The following SEL1L variants were observed in gnomAD, a reference collection of about 807,000 sequenced individuals.
SEL1L encodes protein sel-1 homolog 1.
SEL1L carries 52 observed loss-of-function variants against 109.8 expected under a neutral mutation model. The ratio of observed to expected loss-of-function variants is 0.47; its 90% CI spans 0.38 to 0.60. The LOEUF (loss-of-function observed/expected upper bound fraction) is 0.60. Ranked by LOEUF, SEL1L falls within the 20% of genes least tolerant of loss-of-function variation. The pLI, the probability that SEL1L is intolerant of heterozygous loss-of-function variation, is 0.00. For missense variants in SEL1L, 749 were observed against 962.2 expected, an observed-to-expected ratio of 0.78 and a Z score of 2.93; for synonymous variants, 373 against 339.6, an observed-to-expected ratio of 1.10 and a Z score of -1.08.
chr14:81,509,815 G>C (rs1009763470), intron 3 of SEL1L, among the ~76,000 whole-genome samples: 2 of 152,152 alleles, frequency 1.3e-5, no homozygotes, highest in East Asian at 3.9e-4. Flanking sequence ...TCCACTTCCA[G>C]GATGTTTACT....
At chr14:81,510,173 G>A (rs147835293) in intron 3 of SEL1L, among the ~76,000 whole-genome samples, 171 of 152,302 alleles carry the variant, frequency 1.1e-3, no homozygotes, top group African/African-American at 3.9e-3. Flanking sequence ...ATCAGGAACC[G>A]ACCAGGTATT....
rs201272557 is a variant in SEL1L, at chr14:81,506,137, C to G, written c.445G>C (p.Gly149Arg). The change falls in exon 4 of 21, where the codon GGC becomes CGC. Residue 149 changes from glycine to arginine, a missense_variant. Gly to Arg is a moderately radical substitution (Grantham distance 125). Transcript: ENST00000336735. The stretch of plus-strand genomic sequence containing the variant: ...TAGGTTGTAGCACACCACAGTCTGC[C>G]ATCTTCCCTCCCATCTGATGTACAT... ...DECTSDGRED[G>R]RLWCATTYDY... The G allele has an allele frequency of 6.2e-7, 1 of 1,614,058 alleles. No homozygotes were observed. Among genetic ancestry groups the G allele is most frequent in the African/African-American group, 1.3e-5 (1 of 75,036 alleles).
At chr14:81,522,773 A>G (rs573547885) in intron 3 of SEL1L, among the ~76,000 whole-genome samples, 1 of 152,334 alleles carries the variant, frequency 6.6e-6, no homozygotes, top group East Asian at 1.9e-4. Flanking sequence ...TAGTACTTGC[A>G]TATAACCTAC....
At chr14:81,482,907 A>C (rs1903405694) in intron 19 of SEL1L, among the ~76,000 whole-genome samples, 1 of 152,196 alleles carries the variant, frequency 6.6e-6, no homozygotes, top group East Asian at 1.9e-4. Context: ...CCTATTTCAT[A>C]AGTCTTGGTA....
chr14:81,522,447 T>C (rs1039774213), intron 3 of SEL1L, among the ~76,000 whole-genome samples: 1 of 152,208 alleles, frequency 6.6e-6, no homozygotes, highest in Non-Finnish European at 1.5e-5. Flanking sequence ...TTTAGATAGG[T>C]TTAGATATAC....
At chr14:81,487,748 A>G in intron 15 of SEL1L, 107 bp downstream of exon 15, 1 of 1,539,826 alleles carries the variant, frequency 6.5e-7, no homozygotes, top group Non-Finnish European at 8.7e-7. Flanking sequence ...AGAACATTTA[A>G]CCAGCCAGAA....
chr14:81,478,511 T>C (rs1212586702), intron 20 of SEL1L, among the ~76,000 whole-genome samples: 1 of 152,090 alleles, frequency 6.6e-6, no homozygotes, highest in East Asian at 1.9e-4. Flanking sequence ...TAATAAAAAT[T>C]GTGAGAGATA....
At chr14:81,479,444 T>G in intron 20 of SEL1L, 168 bp downstream of exon 20, 1 of 490,108 alleles carries the variant, frequency 2.0e-6, no homozygotes, top group Non-Finnish European at 3.4e-6. Flanking sequence ...ATGCCTGCAT[T>G]TATCCCTCCC....
chr14:81,533,282 G>A (rs1885405881), intron 1 of SEL1L, among the ~76,000 whole-genome samples: 1 of 152,136 alleles, frequency 6.6e-6, no homozygotes, highest in Admixed American at 6.5e-5. Context: ...ACAGCTCCAG[G>A]TTTGTCAATT....
At chr14:81,480,587 C>T (rs186747697) in intron 19 of SEL1L, among the ~76,000 whole-genome samples, 1 of 152,042 alleles carries the variant, frequency 6.6e-6, no homozygotes, top group Admixed American at 6.6e-5. Flanking sequence ...GGTGTGGTGG[C>T]GCCTGCCTGT....
intron 7 of SEL1L, 35 bp from the exon 8 acceptor site, chr14:81,499,553 G>T (rs1883914886): frequency 6.2e-7 from 1 of 1,607,376 alleles, no homozygotes; most frequent in South Asian, 1.1e-5. Context: ...ACTGAACATA[G>T]GCACGCATTT....
chr14:81,492,489 A>G lies in SEL1L; in HGVS notation c.1245T>C (p.Phe415=). 1 of 1,612,272 alleles carries G rather than the reference A, an allele frequency of 6.2e-7. No homozygotes were observed. Among genetic ancestry groups the G allele is most frequent in the Non-Finnish European group, 8.5e-7 (1 of 1,178,722 alleles). Residue 415 remains phenylalanine (F), a synonymous_variant, in exon 12 of 21, where the codon TTT becomes TTC. Transcript: ENST00000336735. The part of the protein sequence containing the change: ...ANAGNSHAMA[F]LGKMYSEGSD... ...ACAGGATGTACAGTACCTTTCCCAA[A>G]AAGGCCATGGCATGTGAATTGCCAG...
Position 81,472,522 on chromosome 14 carries a change from A to G in SEL1L, c.*4450T>C. 2.4e-6 allele frequency: 1 copy of G among 408,388 alleles called. No individual in the cohort carries two copies. The highest frequency in any genetic ancestry group is 7.6e-5 in the East Asian group (1 of 13,224). The allele number at this position is 408,388 out of a possible 1,614,324, so 25.3% of individuals were successfully genotyped here. On this transcript the variant is annotated 3_prime_UTR_variant, in exon 21 of 21. Coordinates refer to ENST00000336735, the MANE Select transcript of SEL1L (RefSeq NM_005065.6). ...TTTTCATTTCTCCTTTACTCAGAGC[A>G]TATTTAGTCTAAATGTTACTGTGTG... is the stretch of plus-strand genomic sequence containing the variant.
chr14:81,533,665 G>T lies in SEL1L; in HGVS notation c.70+10C>A, dbSNP rs1468326013. On this transcript the variant is annotated intron_variant, in intron 1 of 20. Transcript: ENST00000336735. ...CTCTGGGCCTTCAGCCCGAGGGGGC[G>T]GATACTGACCCGAGGACGCCGAGGC... is the stretch of plus-strand genomic sequence containing the variant. 2 of 1,611,950 alleles carry T rather than the reference G, an allele frequency of 1.2e-6. No individual in the cohort carries two copies. The highest frequency in any genetic ancestry group is 1.7e-4 in the Middle Eastern group (1 of 6,040).
chr14:81,495,388 C>T (rs1883702628), intron 10 of SEL1L, among the ~76,000 whole-genome samples: 2 of 152,304 alleles, frequency 1.3e-5, no homozygotes, highest in Non-Finnish European at 1.5e-5. Context: ...CCTGTAACCT[C>T]AACACTTTGG....
At chr14:81,498,293 G>C (rs1404062597) in intron 9 of SEL1L, 120 bp downstream of exon 9, 2 of 866,356 alleles carry the variant, frequency 2.3e-6, no homozygotes, top group East Asian at 5.3e-5. Flanking sequence ...CTAGTTTAAA[G>C]ATGAGTCCAC....
intron 16 of SEL1L, among the ~76,000 whole-genome samples, chr14:81,486,685 A>G (rs1280969433): frequency 6.6e-6 from 1 of 152,048 alleles, no homozygotes. Context: ...TGTACTACAA[A>G]AATGACCATT....
chr14:81,522,088 T>C (rs1322474117), intron 3 of SEL1L, among the ~76,000 whole-genome samples: 1 of 152,224 alleles, frequency 6.6e-6, no homozygotes, highest in Non-Finnish European at 1.5e-5. Flanking sequence ...TATTTTTGTA[T>C]AGCTCTACAA....
At chr14:81,496,875 CTG>C (rs1165577993) in intron 10 of SEL1L, among the ~76,000 whole-genome samples, 2 of 152,188 alleles carry the variant, frequency 1.3e-5, no homozygotes, top group African/African-American at 4.8e-5. Flanking sequence ...TCTGAGATCT[CTG>C]TGCTGTCCTG....
Sources: allele counts gnomAD v4.1 joint callset (sites outside exome capture counted in the v4.1 genomes callset), GRCh38; gene constraint gnomAD v4.1.1; transcripts MANE v1.5; gene names NCBI Gene and HGNC (gene_info 2026-07-23, HGNC 2026-07-21).